The following EIF2AK1 variants were observed in gnomAD, a reference collection of about 807,000 sequenced individuals.
EIF2AK1 encodes eukaryotic translation initiation factor 2-alpha kinase 1.
A neutral mutation model predicts 77.9 loss-of-function variants in EIF2AK1; 54 were observed. The observed-to-expected ratio is 0.69, with a 90% CI of 0.56 to 0.87. The LOEUF (loss-of-function observed/expected upper bound fraction) is 0.87. EIF2AK1 is among the 40% of genes least tolerant of loss of function. The pLI, the probability that EIF2AK1 is intolerant of heterozygous loss-of-function variation, is 0.00. For missense variants in EIF2AK1, 810 were observed against 768.6 expected (o/e 1.05, Z -0.64); for synonymous variants, 314 against 290.5 (o/e 1.08, Z -0.82).
chr7:6,042,858 T>C, intron 8 of EIF2AK1, 75 bp downstream of exon 8: 2 of 1,333,878 alleles, frequency 1.5e-6, no homozygotes, highest in East Asian at 2.3e-5. Context: ...AGAGCGAGAC[T>C]CTGTCGCCAA....
chr7:6,041,757 C>T (rs1429436854), intron 8 of EIF2AK1, among the ~76,000 whole-genome samples: 4 of 150,712 alleles, frequency 2.7e-5, no homozygotes, highest in African/African-American at 9.8e-5. Context: ...AGGAGAATCG[C>T]TTGAACCCGG....
intron 7 of EIF2AK1, 49 bp downstream of exon 7, chr7:6,044,513 G>A (rs768897412): frequency 1.3e-6 from 2 of 1,505,438 alleles, no homozygotes; most frequent in South Asian, 1.2e-5. Flanking sequence ...TGGTGCACGG[G>A]CTAAAGTTTG....
intron 7 of EIF2AK1, among the ~76,000 whole-genome samples, chr7:6,043,252 G>A (rs565802860): frequency 6.6e-6 from 1 of 152,036 alleles, no homozygotes; most frequent in Non-Finnish European, 1.5e-5. Context: ...GGCCCTCTGG[G>A]ACTCTGCTGT....
Position 6,041,147 on chromosome 7 carries a change from T to G in EIF2AK1, c.864A>C (p.Lys288Asn). The change falls in exon 9 of 15, where the codon AAA becomes AAC. Residue 288 changes from lysine to asparagine, a missense_variant. Physicochemically the swap from Lys to Asn is moderately conservative, Grantham distance 94. This residue lies in a region of EIF2AK1 where 549 missense variants were observed against 533.7 expected (regional missense o/e 1.03). Coordinates refer to ENST00000199389, the MANE Select transcript of EIF2AK1 (RefSeq NM_014413.4). ...TGTCAGATTCTCCAAAGCGTTTTTCTTTTTCTGGGGTGGGCTCAGCAAAGA... is the reference window on the plus strand; with the variant it reads ...TGTCAGATTCTCCAAAGCGTTTTTCGTTTTCTGGGGTGGGCTCAGCAAAGA... Reference protein sequence around the residue: ...SIIFAEPTPEKEKRFGESDTE... With the variant: ...SIIFAEPTPENEKRFGESDTE... 2 of 1,614,106 alleles carry G rather than the reference T, an allele frequency of 1.2e-6. No homozygotes were observed. The highest frequency in any genetic ancestry group is 1.7e-6 in the Non-Finnish European group (2 of 1,180,042).
chr7:6,028,885 T>C (rs371940076), intron 12 of EIF2AK1, 33 bp downstream of exon 12: 60 of 1,554,124 alleles, frequency 3.9e-5, no homozygotes, highest in Non-Finnish European at 5.2e-5. Flanking sequence ...CTTTTGCTTA[T>C]GCAAAGAAAA....
At chr7:6,042,320 G>A (rs1200636490) in intron 8 of EIF2AK1, among the ~76,000 whole-genome samples, 1 of 151,872 alleles carries the variant, frequency 6.6e-6, no homozygotes, top group African/African-American at 2.4e-5. Context: ...GCATGGTGGT[G>A]CAGGCCTATA....
chr7:6,030,238 G>A (rs762264203), intron 11 of EIF2AK1, among the ~76,000 whole-genome samples: 3 of 152,094 alleles, frequency 2.0e-5, no homozygotes, highest in Non-Finnish European at 4.4e-5. Flanking sequence ...AAGGGACCAG[G>A]GTATAACCTT....
At chr7:6,044,764 C>T (rs1016791990) in intron 6 of EIF2AK1, 103 bp from the exon 7 acceptor site, 1 of 942,334 alleles carries the variant, frequency 1.1e-6, no homozygotes, top group African/African-American at 1.6e-5. Context: ...CCCTGACTTA[C>T]AATGGTATGA....
chr7:6,056,613 A>AAAAAAAAAAAAAATAT, intron 1 of EIF2AK1, among the ~76,000 whole-genome samples: 1 of 43,730 alleles, frequency 2.3e-5, no homozygotes, highest in African/African-American at 8.2e-5. Flanking sequence ...AAAAAAAAAA[A>AAAAAAAAAAAAAATAT]ATATATATAT....
Position 6,036,206 on chromosome 7 carries a change from C to T in EIF2AK1, c.1332+1218G>A, listed in dbSNP as rs1263009497. On this transcript the variant is annotated intron_variant, in intron 11 of 14. Coordinates refer to ENST00000199389, the MANE Select transcript of EIF2AK1 (RefSeq NM_014413.4). The surrounding 1 kb of genome is among the most constrained non-coding windows in gnomAD (Gnocchi z 4.6). ...CTGCAGGAATCATGCTACCAGAATT[C>T]CGCCTCTTAAGGGACACCCTAATAA... The T allele has an allele frequency of 3.2e-6, 5 of 1,549,674 alleles. No homozygotes were observed. The South Asian group carries it at 6.0e-5, about 18-fold the overall frequency.
Position 6,027,814 on chromosome 7 carries a change from C to T in EIF2AK1, c.1530+801G>A, listed in dbSNP as rs983984808. 3.0e-6 allele frequency: 1 copy of T among 338,914 alleles called. No individual in the cohort carries two copies. Among genetic ancestry groups the T allele is most frequent in the South Asian group, 2.1e-5 (1 of 46,516 alleles). 21.0% of individuals were successfully genotyped at this position (338,914 alleles called of 1,614,324 possible). On this transcript the variant is annotated intron_variant, in intron 13 of 14. Transcript: ENST00000199389. The surrounding 1 kb of genome is among the most constrained non-coding windows in gnomAD (Gnocchi z 4.5). ...GGCGCAGAGGTTCATGCCTTAATCC[C>T]AGCACTTTGGGAGGCCAAGGGAGGA...
At chr7:6,028,519 T>C (rs1188714878) in intron 13 of EIF2AK1, 96 bp downstream of exon 13, 4 of 1,255,724 alleles carry the variant, frequency 3.2e-6, no homozygotes, top group Non-Finnish European at 3.5e-6. Flanking sequence ...CCCAAAGTGC[T>C]GGGATTACAG....
At position 6,035,612 on chromosome 7, in the gene EIF2AK1, T is replaced by C; in HGVS notation, c.1332+1812A>G. On this transcript the variant is annotated intron_variant, in intron 11 of 14. Transcript: ENST00000199389. This position sits in a 1 kb window ranked among gnomAD's most constrained non-coding sequence, Gnocchi z 5.5. ...GTGCGCACGGAGCTCAAGTGAACAC[T>C]CAAGGGGAAATCAGCAACAAACGTT... is the stretch of plus-strand genomic sequence containing the variant. The C allele has an allele frequency of 6.4e-7, 1 of 1,550,866 alleles. No homozygotes were observed. Among genetic ancestry groups the C allele is most frequent in the South Asian group, 1.2e-5 (1 of 84,050 alleles).
Position 6,037,516 on chromosome 7 carries a change from C to T in EIF2AK1, c.1240G>A (p.Val414Ile), listed in dbSNP as rs1583485089. ...EYVDESACPY[V>I]MANVATKIFQ... ...ATTTTTGTTGCAACATTGGCCATAA[C>T]ATAAGGACCTTGAAGTAAAAAAAAA... Residue 414 changes from valine to isoleucine, a missense_variant, in exon 11 of 15, where the codon GTT becomes ATT. This residue lies in a region of EIF2AK1 where 549 missense variants were observed against 533.7 expected (regional missense o/e 1.03). Coordinates refer to ENST00000199389, the MANE Select transcript of EIF2AK1 (RefSeq NM_014413.4). The T allele has an allele frequency of 6.2e-7, 1 of 1,605,060 alleles. No individual in the cohort carries two copies. Among genetic ancestry groups the T allele is most frequent in the African/African-American group, 1.3e-5 (1 of 74,694 alleles).
chr7:6,035,375 C>A lies in EIF2AK1; in HGVS notation c.1332+2049G>T. The A allele has an allele frequency of 7.3e-7, 1 of 1,368,482 alleles. No homozygotes were observed. The highest frequency in any genetic ancestry group is 1.0e-6 in the Non-Finnish European group (1 of 1,001,370). 84.8% of individuals were successfully genotyped at this position (1,368,482 alleles called of 1,614,324 possible). A position where few individuals can be genotyped will look rare whatever the true frequency, so the allele number is the denominator to read the frequency against. ...TTTAAATAAATACTGGCTTCTTAAG[C>A]ATTAACTGTCCACGTAGAGCCGTTC... On this transcript the variant is annotated intron_variant, in intron 11 of 14. Coordinates refer to ENST00000199389, the MANE Select transcript of EIF2AK1 (RefSeq NM_014413.4). This position sits in a 1 kb window ranked among gnomAD's most constrained non-coding sequence, Gnocchi z 5.5.
At position 6,044,673 on chromosome 7, in the gene EIF2AK1, A is replaced by G; in HGVS notation, c.631-12T>C. 1 of 1,609,886 alleles carries G rather than the reference A, an allele frequency of 6.2e-7. No individual in the cohort carries two copies. The highest frequency in any genetic ancestry group is 8.5e-7 in the Non-Finnish European group (1 of 1,176,622). On this transcript the variant is annotated splice_polypyrimidine_tract_variant and intron_variant, in intron 6 of 14. Transcript: ENST00000199389. Reference sequence around the variant, plus strand: ...ACTTCCCGTAGGACCTAGAAAAGAAATGGAAGTAGATCTGCCTTTTGCTGA... The same window carrying G: ...ACTTCCCGTAGGACCTAGAAAAGAAGTGGAAGTAGATCTGCCTTTTGCTGA...
In EIF2AK1 at chr7:6,027,215, G is replaced by A. The variant is rs147357045; in HGVS notation, c.1531-254C>T. On this transcript the variant is annotated intron_variant, in intron 13 of 14. Coordinates refer to ENST00000199389, the MANE Select transcript of EIF2AK1 (RefSeq NM_014413.4). The surrounding 1 kb of genome is among the most constrained non-coding windows in gnomAD (Gnocchi z 4.5). ...GATAATCCCCACCCACAGCAGTCAC[G>A]ACCATACAACTGTCTTCAGCACCCC... is the stretch of plus-strand genomic sequence containing the variant. Among the ~76,000 whole-genome samples, 6 of 152,246 alleles carry A rather than the reference G, an allele frequency of 3.9e-5. No homozygotes were observed. In the East Asian group the frequency reaches 1.2e-3, roughly 29 times the overall value.
In EIF2AK1 at chr7:6,022,921, CT is replaced by C. The variant is rs1177541430; in HGVS notation, c.*1751del. The C allele has an allele frequency of 1.5e-5, 3 of 199,404 alleles. No homozygotes were observed. Among genetic ancestry groups the C allele is most frequent in the Non-Finnish European group, 3.1e-5 (3 of 97,842 alleles). The allele number at this position is 199,404 out of a possible 1,614,324, so 12.4% of individuals were successfully genotyped here. On this transcript the variant is annotated 3_prime_UTR_variant, in exon 15 of 15. Coordinates refer to ENST00000199389, the MANE Select transcript of EIF2AK1 (RefSeq NM_014413.4). ...ATAAGCGAGTTCATGTCATTCATAT[CT>C]TAATTGCCCTCAGTCTCACAGAAGG...
At chr7:6,040,829 G>C in intron 9 of EIF2AK1, 63 bp downstream of exon 9, 1 of 1,348,674 alleles carries the variant, frequency 7.4e-7, no homozygotes, top group Non-Finnish European at 1.0e-6. Flanking sequence ...GGCGAGAGAA[G>C]GCCACACACC....
Sources: gnomAD v4.1 joint callset for allele counts (sites outside exome capture counted in the v4.1 genomes callset) on GRCh38, gnomAD v4.1.1 for gene constraint, gnomAD v4.1.1 regional missense constraint, Gnocchi (gnomAD v3.1) non-coding constraint, MANE v1.5 for transcripts, NCBI Gene and HGNC (gene_info 2026-07-23, HGNC 2026-07-21) for gene names.